The following FAM168B variants were observed in gnomAD, a reference collection of about 807,000 sequenced individuals.
FAM168B encodes the protein family with sequence similarity 168 member B.
FAM168B carries 19 observed loss-of-function variants against 21.8 expected under a neutral mutation model. The ratio of observed to expected loss-of-function variants is 0.87; its 90% CI spans 0.61 to 1.28. The LOEUF (loss-of-function observed/expected upper bound fraction) is 1.28, where lower values mean the gene tolerates loss of function less well. Ranked by LOEUF, FAM168B falls within the 50% of genes most tolerant of loss-of-function variation. FAM168B has a pLI of 0.00. For synonymous variants in FAM168B, 126 were observed against 104.8 expected, an observed-to-expected ratio of 1.20 and a Z score of -1.24; for missense variants, 233 against 263.1, an observed-to-expected ratio of 0.89 and a Z score of 0.79.
chr2:131,081,597 A>G (rs1228094677), intron 2 of FAM168B, among the ~76,000 whole-genome samples: 3 of 152,190 alleles, frequency 2.0e-5, no homozygotes, highest in East Asian at 1.9e-4. Context: ...CTGGACGACT[A>G]GACTGTTTAG....
At position 131,048,994 on chromosome 2, in the gene FAM168B, G is replaced by T. The variant is rs1691478289; in HGVS notation, c.*3471C>A. 1.0e-6 allele frequency: 1 copy of T among 985,462 alleles called. No individual in the cohort carries two copies. Among genetic ancestry groups the T allele is most frequent in the African/African-American group, 1.7e-5 (1 of 57,240 alleles). The allele number at this position is 985,462 out of a possible 1,614,324, so 61.0% of individuals were successfully genotyped here. A position where few individuals can be genotyped will look rare whatever the true frequency, so the allele number is the denominator to read the frequency against. On this transcript the variant is annotated 3_prime_UTR_variant, in exon 7 of 7. Transcript: ENST00000389915. ...ACACTGTTCTCAAATGTTTAAAAAGGACAGGTGAAGTCTGGGTCTCCTTTT... is the reference window on the plus strand; with the variant it reads ...ACACTGTTCTCAAATGTTTAAAAAGTACAGGTGAAGTCTGGGTCTCCTTTT...
intron 2 of FAM168B, among the ~76,000 whole-genome samples, chr2:131,076,524 G>A (rs556810762): frequency 1.3e-5 from 2 of 151,986 alleles, no homozygotes; most frequent in Non-Finnish European, 2.9e-5. Flanking sequence ...GCAGTGGCGG[G>A]CTCCTGTAGT....
chr2:131,087,200 G>A (rs1044601681), intron 1 of FAM168B, among the ~76,000 whole-genome samples: 7 of 152,210 alleles, frequency 4.6e-5, no homozygotes, highest in East Asian at 3.9e-4. Flanking sequence ...CAGGCACAGC[G>A]GCTCATGCCT....
chr2:131,090,359 A>G (rs1055877555), intron 1 of FAM168B, among the ~76,000 whole-genome samples: 3 of 151,204 alleles, frequency 2.0e-5, no homozygotes, highest in African/African-American at 7.3e-5. Context: ...ACCTATCACT[A>G]TATACTATTG....
At chr2:131,070,021 G>A (rs1692794066) in intron 3 of FAM168B, among the ~76,000 whole-genome samples, 1 of 150,696 alleles carries the variant, frequency 6.6e-6, no homozygotes, top group Non-Finnish European at 1.5e-5. Context: ...TCCAAGCCCA[G>A]CTAATTTTTG....
chr2:131,051,234 A>G lies in FAM168B; in HGVS notation c.*1231T>C. 1.0e-6 allele frequency: 1 copy of G among 985,214 alleles called. No homozygotes were observed. The highest frequency in any genetic ancestry group is 1.2e-6 in the Non-Finnish European group (1 of 829,902). 61.0% of individuals were successfully genotyped at this position (985,214 alleles called of 1,614,324 possible). A position where few individuals can be genotyped will look rare whatever the true frequency, so the allele number is the denominator to read the frequency against. ...CTAAGCGTCCCCTCCAGCCGGCCTC[A>G]GCAGACAAGTCACCACCATCAGGTG... On this transcript the variant is annotated 3_prime_UTR_variant, in exon 7 of 7. Transcript: ENST00000389915.
In FAM168B at chr2:131,092,680, T is replaced by C. The variant is rs1480062453; in HGVS notation, c.-12+534A>G. On this transcript the variant is annotated intron_variant, in intron 1 of 6. Coordinates refer to ENST00000389915, the MANE Select transcript of FAM168B (RefSeq NM_001009993.4). ...ATTTGTGGACGTCGTAAAGGCGCAC[T>C]GCACTCTTTTTTCAAAGTTAACCCA... Among the ~76,000 whole-genome samples the C allele has an allele frequency of 3.3e-5, 5 of 152,310 alleles. No individual in the cohort carries two copies. The East Asian group carries it at 9.6e-4, about 29-fold the overall frequency.
At chr2:131,069,982 C>T (rs945250302) in intron 3 of FAM168B, among the ~76,000 whole-genome samples, 14 of 151,818 alleles carry the variant, frequency 9.2e-5, no homozygotes, top group African/African-American at 3.1e-4. Context: ...CCTCAGCCTC[C>T]CTAGTAGCCG....
intron 5 of FAM168B, 126 bp downstream of exon 5, chr2:131,055,146 T>A: frequency 2.1e-6 from 2 of 952,660 alleles, no homozygotes; most frequent in Non-Finnish European, 1.4e-6. Context: ...CCCAAAGAAT[T>A]TTCTGTCCTT....
Position 131,080,733 on chromosome 2 carries a change from G to A in FAM168B, c.70+1844C>T, listed in dbSNP as rs373424010. Among the ~76,000 whole-genome samples the A allele has an allele frequency of 1.5e-4, 23 of 150,100 alleles. 1 individual carries two copies. The highest frequency in any genetic ancestry group is 3.9e-4 in the African/African-American group (16 of 41,008). ...CGCCCAGGCTGGAGTGCAGTGGCAC[G>A]ATCTCAGCTCACTGCAAGCTCCACC... On this transcript the variant is annotated intron_variant, in intron 2 of 6. Transcript: ENST00000389915.
intron 3 of FAM168B, among the ~76,000 whole-genome samples, chr2:131,057,047 T>C (rs1363121819): frequency 6.6e-6 from 1 of 152,102 alleles, no homozygotes; most frequent in Non-Finnish European, 1.5e-5. Context: ...AAATCAGACC[T>C]CCATACAAGT....
In FAM168B at chr2:131,050,261, T is replaced by TA. The variant is rs1691576950; in HGVS notation, c.*2203dup. On this transcript the variant is annotated 3_prime_UTR_variant, in exon 7 of 7. Coordinates refer to ENST00000389915, the MANE Select transcript of FAM168B (RefSeq NM_001009993.4). ...CCAGCCCTCACAGGAGTTGTACATG[T>TA]ATGTTTCCATTTTGTTGTGTGGGGC... is the stretch of plus-strand genomic sequence containing the variant. 2 of 985,452 alleles carry TA rather than the reference T, an allele frequency of 2.0e-6. No individual in the cohort carries two copies. Among genetic ancestry groups the TA allele is most frequent in the South Asian group, 9.4e-5 (2 of 21,286 alleles). 61.0% of individuals were successfully genotyped at this position (985,452 alleles called of 1,614,324 possible).
chr2:131,064,670 T>A (rs984074620), intron 3 of FAM168B, among the ~76,000 whole-genome samples: 4 of 151,168 alleles, frequency 2.6e-5, no homozygotes, highest in African/African-American at 9.8e-5. Context: ...CTGAAGAAAA[T>A]CCCCCGCCAA....
At chr2:131,054,999 G>T (rs75875641) in intron 5 of FAM168B, among the ~76,000 whole-genome samples, 5,401 of 152,222 alleles carry the variant, frequency 0.035, 309 homozygotes, top group African/African-American at 0.12. Context: ...ATGGTCATAG[G>T]GGGTGGGAGG....
intron 2 of FAM168B, among the ~76,000 whole-genome samples, chr2:131,078,923 G>T (rs536335290): frequency 6.0e-5 from 9 of 151,016 alleles, no homozygotes; most frequent in Admixed American, 4.6e-4. Flanking sequence ...GGAGTTTGAG[G>T]CTGCAGTGAG....
Position 131,051,079 on chromosome 2 carries a change from A to T in FAM168B, c.*1386T>A. On this transcript the variant is annotated 3_prime_UTR_variant, in exon 7 of 7. Coordinates refer to ENST00000389915, the MANE Select transcript of FAM168B (RefSeq NM_001009993.4). The stretch of plus-strand genomic sequence containing the variant: ...CTCTCCCACAATAAACCCTGCCAGC[A>T]AACGCACTCCAGCACTGCCTGGCCC... 3 of 985,454 alleles carry T rather than the reference A, an allele frequency of 3.0e-6. No individual in the cohort carries two copies. Among genetic ancestry groups the T allele is most frequent in the Non-Finnish European group, 3.6e-6 (3 of 829,972 alleles). 61.0% of individuals were successfully genotyped at this position (985,454 alleles called of 1,614,324 possible). A position where few individuals can be genotyped will look rare whatever the true frequency, so the allele number is the denominator to read the frequency against.
chr2:131,077,120 C>T (rs889049587), intron 2 of FAM168B, among the ~76,000 whole-genome samples: 1 of 151,138 alleles, frequency 6.6e-6, no homozygotes, highest in Non-Finnish European at 1.5e-5. Flanking sequence ...AAATAGCACA[C>T]ACTTCAAACA....
intron 2 of FAM168B, among the ~76,000 whole-genome samples, chr2:131,080,110 T>A (rs1337397821): frequency 6.7e-6 from 1 of 149,058 alleles, no homozygotes; most frequent in African/African-American, 2.5e-5. Context: ...AGAGTGAAAC[T>A]CTGTCTCAGA....
chr2:131,059,681 C>G (rs746466729), intron 3 of FAM168B, among the ~76,000 whole-genome samples: 14 of 152,132 alleles, frequency 9.2e-5, no homozygotes, highest in Non-Finnish European at 1.9e-4. Context: ...TTCCAAACTT[C>G]CAACAGTTTA....
Sources: gnomAD v4.1 joint callset for allele counts (sites outside exome capture counted in the v4.1 genomes callset) on GRCh38, gnomAD v4.1.1 for gene constraint, MANE v1.5 for transcripts, NCBI Gene and HGNC (gene_info 2026-07-23, HGNC 2026-07-21) for gene names.